STXBP5L: variants seen among roughly 807,000 people sequenced by gnomAD.
The protein encoded by STXBP5L is syntaxin binding protein 5L.
STXBP5L carries 65 observed loss-of-function variants against 144.5 expected under a neutral mutation model. That is an observed-to-expected ratio of 0.45 (90% CI 0.37 to 0.55). The LOEUF (loss-of-function observed/expected upper bound fraction) is 0.55, where lower values mean the gene tolerates loss of function less well. Among genes scored for constraint, STXBP5L ranks in the 20% least tolerant of loss-of-function variants. The probability of loss-of-function intolerance (pLI) is 0.00; values close to 1 mark genes in which losing one functional copy is unlikely to be tolerated. For missense variants in STXBP5L, 1,298 were observed against 1,405.5 expected (o/e 0.92, Z 1.22); for synonymous variants, 505 against 469.6 (o/e 1.08, Z -0.97).
chr3:121,219,730 T>C (rs1354717600), intron 10 of STXBP5L, among the ~76,000 whole-genome samples: 1 of 152,164 alleles, frequency 6.6e-6, no homozygotes, highest in Non-Finnish European at 1.5e-5. Context: ...GCTTTATGTA[T>C]AATTAAGTTC....
intron 3 of STXBP5L, among the ~76,000 whole-genome samples, chr3:120,968,894 G>C (rs756521681): frequency 6.6e-6 from 1 of 152,012 alleles, no homozygotes; most frequent in Non-Finnish European, 1.5e-5. Context: ...CCTTTTTATG[G>C]CTGAGTAGCA....
At chr3:120,959,219 G>C (rs983638237) in intron 3 of STXBP5L, among the ~76,000 whole-genome samples, 22 of 152,166 alleles carry the variant, frequency 1.4e-4, no homozygotes, top group Admixed American at 7.2e-4. Context: ...TCTTCAAGGA[G>C]AACTACAAAC....
intron 24 of STXBP5L, among the ~76,000 whole-genome samples, chr3:121,413,949 C>T (rs185014033): frequency 1.3e-5 from 2 of 152,006 alleles, no homozygotes; most frequent in African/African-American, 4.8e-5. Context: ...CTGAACTATT[C>T]GAGTTGTATT....
At chr3:121,013,394 G>T (rs900456546) in intron 3 of STXBP5L, among the ~76,000 whole-genome samples, 1 of 152,030 alleles carries the variant, frequency 6.6e-6, no homozygotes, top group Non-Finnish European at 1.5e-5. Context: ...ATTCTGACTG[G>T]TGTGAGATGG....
At chr3:121,088,763 T>TA (rs1236916249) in intron 5 of STXBP5L, among the ~76,000 whole-genome samples, 1 of 54,900 alleles carries the variant, frequency 1.8e-5, no homozygotes, top group African/African-American at 7.6e-5. Flanking sequence ...TATGCAGCCA[T>TA]AAAAAATGAT....
chr3:121,231,649 T>C (rs138233217), intron 11 of STXBP5L, among the ~76,000 whole-genome samples: 278 of 152,266 alleles, frequency 1.8e-3, no homozygotes, highest in Non-Finnish European at 2.3e-3. Context: ...GAAAGAGATA[T>C]ATATATTTTG....
intron 5 of STXBP5L, among the ~76,000 whole-genome samples, chr3:121,114,579 C>T (rs1027004573): frequency 2.0e-5 from 3 of 151,944 alleles, no homozygotes; most frequent in African/African-American, 4.8e-5. Context: ...ATTAGAATCC[C>T]GGTTTTGCTG....
chr3:121,251,561 T>TTGTAGGTAGGA (rs1323113284), intron 15 of STXBP5L, among the ~76,000 whole-genome samples: 3 of 152,066 alleles, frequency 2.0e-5, no homozygotes, highest in African/African-American at 7.2e-5. Context: ...TGAAGATGAG[T>TTGTAGGTAGGA]AACCAGGAAG....
At chr3:121,056,098 T>C (rs1469359880) in intron 5 of STXBP5L, among the ~76,000 whole-genome samples, 1 of 152,140 alleles carries the variant, frequency 6.6e-6, no homozygotes, top group Non-Finnish European at 1.5e-5. Context: ...AACCTTTGCA[T>C]CTGGTAAGGC....
Position 121,193,449 on chromosome 3 carries a change from T to C in STXBP5L, c.878-12474T>C, listed in dbSNP as rs1034372523. ...TGGATCTAGAGCTAGAAATACCATT[T>C]GACCCAGCCATCCCATTACTGGGTA... On this transcript the variant is annotated intron_variant, in intron 9 of 26. Transcript: ENST00000471454. Among the ~76,000 whole-genome samples the C allele has an allele frequency of 3.4e-4, 51 of 150,952 alleles. 3 individuals carry two copies. The highest frequency in any genetic ancestry group is 3.2e-3 in the Admixed American group (49 of 15,164).
At chr3:121,053,566 A>G (rs941497523) in intron 5 of STXBP5L, among the ~76,000 whole-genome samples, 1 of 150,826 alleles carries the variant, frequency 6.6e-6, no homozygotes, top group Non-Finnish European at 1.5e-5. Flanking sequence ...TGGATCCCTT[A>G]CACCTTATAC....
chr3:120,912,632 A>AT (rs1380738939), intron 2 of STXBP5L, among the ~76,000 whole-genome samples: 1 of 151,900 alleles, frequency 6.6e-6, no homozygotes, highest in East Asian at 1.9e-4. Context: ...CCAAAAAAAA[A>AT]AAAAAGTTAA....
At chr3:121,048,025 C>T (rs1947645462) in intron 5 of STXBP5L, among the ~76,000 whole-genome samples, 1 of 152,030 alleles carries the variant, frequency 6.6e-6, no homozygotes, top group Non-Finnish European at 1.5e-5. Context: ...TTCAGGACCT[C>T]TTGTAAGGCA....
intron 3 of STXBP5L, among the ~76,000 whole-genome samples, chr3:121,020,086 C>G (rs975407086): frequency 9.2e-5 from 14 of 152,084 alleles, no homozygotes; most frequent in African/African-American, 3.1e-4. Context: ...AAAAAACAAT[C>G]ACAACTTCTT....
intron 20 of STXBP5L, among the ~76,000 whole-genome samples, chr3:121,358,196 G>T (rs1449980638): frequency 6.6e-6 from 1 of 152,090 alleles, no homozygotes; most frequent in African/African-American, 2.4e-5. Flanking sequence ...CTGTCAAATA[G>T]TAGGTCTGAT....
At chr3:120,985,545 A>AT (rs900335520) in intron 3 of STXBP5L, among the ~76,000 whole-genome samples, 2 of 151,870 alleles carry the variant, frequency 1.3e-5, no homozygotes, top group African/African-American at 2.4e-5. Context: ...GAAACTTTGC[A>AT]TTTTTTCACC....
chr3:120,989,947 G>A (rs921769846), intron 3 of STXBP5L, among the ~76,000 whole-genome samples: 3 of 152,136 alleles, frequency 2.0e-5, no homozygotes, highest in African/African-American at 7.2e-5. Context: ...AGTGTTGGAA[G>A]TTCTGGCCAG....
intron 2 of STXBP5L, among the ~76,000 whole-genome samples, chr3:120,916,484 AG>A (rs1709108966): frequency 6.6e-6 from 1 of 152,010 alleles, no homozygotes; most frequent in South Asian, 2.1e-4. Flanking sequence ...TATTTTTAGT[AG>A]AGACGGGGTT....
At chr3:121,023,818 C>G (rs553278010) in intron 3 of STXBP5L, among the ~76,000 whole-genome samples, 117 of 152,246 alleles carry the variant, frequency 7.7e-4, no homozygotes, top group African/African-American at 2.5e-3. Context: ...TGCAGTGGTG[C>G]AATCTTGGCT....
Sources: allele counts gnomAD v4.1 joint callset (sites outside exome capture counted in the v4.1 genomes callset), GRCh38; gene constraint gnomAD v4.1.1; transcripts MANE v1.5; gene names NCBI Gene and HGNC (gene_info 2026-07-23, HGNC 2026-07-21).